XYLT1: variants seen among roughly 807,000 people sequenced by gnomAD.
The protein encoded by XYLT1 is beta-D-xylosyltransferase 1.
Under a neutral mutation model 91.3 loss-of-function variants are expected in XYLT1, and 36 were observed. That is an observed-to-expected ratio of 0.39 (90% CI 0.30 to 0.52). The LOEUF is 0.52. XYLT1 is among the 20% of genes least tolerant of loss of function. The pLI is 0.68. For synonymous variants in XYLT1, 588 were observed against 532.0 expected, an observed-to-expected ratio of 1.11 and a Z score of -1.45; for missense variants, 1,242 against 1,284.5, an observed-to-expected ratio of 0.97 and a Z score of 0.51.
chr16:17,127,785 G>A lies in XYLT1; in HGVS notation c.2104C>T (p.His702Tyr). 1 of 1,614,150 alleles carries A rather than the reference G, an allele frequency of 6.2e-7. No individual in the cohort carries two copies. The highest frequency in any genetic ancestry group is 8.5e-7 in the Non-Finnish European group (1 of 1,180,026). ...CTCACAGCCAGATTGGTAGCATGAT[G>A]CTTGATCAGAAAGCCCTGGAAGCGG... is the stretch of plus-strand genomic sequence containing the variant. Reference protein sequence around the residue: ...ADRFQGFLIKHHATNLAVSKL... With the variant: ...ADRFQGFLIKYHATNLAVSKL... The change falls in exon 10 of 12, where the codon CAT (histidine) becomes TAT (tyrosine). Residue 702 changes from histidine to tyrosine, a missense_variant. Around this residue, in one of 3 missense-constraint regions of XYLT1, gnomAD observed 511 missense variants for 497.0 expected, o/e 1.03. Transcript: ENST00000261381.
At chr16:17,201,525 A>C (rs1311775720) in intron 3 of XYLT1, among the ~76,000 whole-genome samples, 1 of 148,408 alleles carries the variant, frequency 6.7e-6, no homozygotes, top group East Asian at 2.0e-4. Flanking sequence ...CCCAGGCTGC[A>C]GTGCAGTGGT....
chr16:17,115,376 T>G (rs899248059), intron 11 of XYLT1, among the ~76,000 whole-genome samples: 3 of 147,032 alleles, frequency 2.0e-5, no homozygotes, highest in Non-Finnish European at 4.5e-5. Context: ...TTCAGCTACT[T>G]AGGAGGCTGA....
intron 1 of XYLT1, among the ~76,000 whole-genome samples, chr16:17,459,455 T>G (rs1443967527): frequency 6.6e-6 from 1 of 152,212 alleles, no homozygotes; most frequent in Non-Finnish European, 1.5e-5. Context: ...TTTTACAGAA[T>G]ATCTGCCCTT....
At chr16:17,179,925 A>G (rs1330472626) in intron 5 of XYLT1, among the ~76,000 whole-genome samples, 1 of 152,206 alleles carries the variant, frequency 6.6e-6, no homozygotes, top group Non-Finnish European at 1.5e-5. Context: ...AGCGGCCCAC[A>G]GGCCATACTT....
intron 6 of XYLT1, among the ~76,000 whole-genome samples, chr16:17,153,960 C>T (rs756538346): frequency 1.1e-4 from 16 of 152,276 alleles, no homozygotes; most frequent in Non-Finnish European, 1.8e-4. Flanking sequence ...TAAAGTCAGA[C>T]GGAACCAGGT....
intron 10 of XYLT1, among the ~76,000 whole-genome samples, chr16:17,127,052 G>C (rs922084413): frequency 2.0e-5 from 3 of 152,174 alleles, no homozygotes; most frequent in Non-Finnish European, 2.9e-5. Context: ...AGTGGGTGCC[G>C]GGGAAGGTTT....
At chr16:17,440,755 A>G (rs1253212979) in intron 1 of XYLT1, among the ~76,000 whole-genome samples, 2 of 152,218 alleles carry the variant, frequency 1.3e-5, no homozygotes, top group East Asian at 1.9e-4. Flanking sequence ...AATATTCTCC[A>G]TGGACTACTG....
intron 10 of XYLT1, among the ~76,000 whole-genome samples, chr16:17,122,604 T>C (rs1018551550): frequency 6.6e-6 from 1 of 152,192 alleles, no homozygotes; most frequent in Non-Finnish European, 1.5e-5. Flanking sequence ...TCCTATCTAC[T>C]TATCTTTGTT....
intron 1 of XYLT1, among the ~76,000 whole-genome samples, chr16:17,433,231 T>C (rs1021539762): frequency 6.6e-6 from 1 of 152,110 alleles, no homozygotes; most frequent in African/African-American, 2.4e-5. Flanking sequence ...TTTTGAACCA[T>C]GCTATCACCC....
At chr16:17,436,623 C>G (rs2036462785) in intron 1 of XYLT1, among the ~76,000 whole-genome samples, 1 of 152,192 alleles carries the variant, frequency 6.6e-6, no homozygotes, top group Admixed American at 6.5e-5. Flanking sequence ...CAGAAATTTA[C>G]CCTGAGGAAT....
At chr16:17,324,221 C>T (rs553324829) in intron 2 of XYLT1, among the ~76,000 whole-genome samples, 10 of 152,170 alleles carry the variant, frequency 6.6e-5, no homozygotes, top group African/African-American at 2.4e-4. Flanking sequence ...AAGAAAAGGA[C>T]AGAAGAGAAA....
At chr16:17,118,273 T>TGAATGAACGAAC (rs1555478655) in intron 10 of XYLT1, among the ~76,000 whole-genome samples, 14 of 96,984 alleles carry the variant, frequency 1.4e-4, no homozygotes, top group East Asian at 6.4e-4. Flanking sequence ...GCTGAATGAG[T>TGAATGAACGAAC]GAATGAATGA....
At chr16:17,134,834 C>G in intron 8 of XYLT1, 99 bp from the exon 9 acceptor site, 1 of 1,445,708 alleles carries the variant, frequency 6.9e-7, no homozygotes, top group Non-Finnish European at 9.4e-7. Flanking sequence ...CAAAGCTCTG[C>G]TGGACCCGAA....
At chr16:17,353,415 G>A (rs991404104) in intron 2 of XYLT1, among the ~76,000 whole-genome samples, 3 of 152,206 alleles carry the variant, frequency 2.0e-5, no homozygotes, top group Admixed American at 6.5e-5. Flanking sequence ...GCCAGTTGGA[G>A]TGGATTCAGA....
intron 5 of XYLT1, among the ~76,000 whole-genome samples, chr16:17,186,665 G>A (rs1188273754): frequency 6.6e-6 from 1 of 152,112 alleles, no homozygotes; most frequent in South Asian, 2.1e-4. Flanking sequence ...CACATAGTGA[G>A]ATGTCAAGCT....
At chr16:17,416,072 C>T (rs1311464604) in intron 1 of XYLT1, among the ~76,000 whole-genome samples, 2 of 152,182 alleles carry the variant, frequency 1.3e-5, no homozygotes, top group East Asian at 3.9e-4. Context: ...GCTCGGCCCT[C>T]CCGACAATTT....
chr16:17,406,401 CCT>C (rs2036033239), intron 1 of XYLT1, among the ~76,000 whole-genome samples: 1 of 152,232 alleles, frequency 6.6e-6, no homozygotes, highest in African/African-American at 2.4e-5. Flanking sequence ...CACTGCTTCC[CCT>C]CTCTGTGCTC....
At chr16:17,244,208 C>A (rs1284016330) in intron 3 of XYLT1, among the ~76,000 whole-genome samples, 1 of 152,042 alleles carries the variant, frequency 6.6e-6, no homozygotes, top group Non-Finnish European at 1.5e-5. Context: ...CAGCCTCTGG[C>A]AGAAGTGTGA....
At chr16:17,147,666 TG>T (rs2031170769) in intron 6 of XYLT1, among the ~76,000 whole-genome samples, 1 of 152,098 alleles carries the variant, frequency 6.6e-6, no homozygotes, top group South Asian at 2.1e-4. Context: ...CAGGGGTGAA[TG>T]GGGACTTAAG....
Sources: gnomAD v4.1 joint callset for allele counts (sites outside exome capture counted in the v4.1 genomes callset) on GRCh38, gnomAD v4.1.1 for gene constraint, gnomAD v4.1.1 regional missense constraint, MANE v1.5 for transcripts, NCBI Gene and HGNC (gene_info 2026-07-23, HGNC 2026-07-21) for gene names.